TLCD4: variants seen among roughly 807,000 people sequenced by gnomAD.
The protein encoded by TLCD4 is TLC domain containing 4.
TLCD4 carries 7 observed loss-of-function variants against 24.2 expected under a neutral mutation model. The ratio of observed to expected loss-of-function variants is 0.29; its 90% confidence interval spans 0.16 to 0.54. TLCD4 has a LOEUF of 0.54. TLCD4 is among the 20% of genes least tolerant of loss of function. The pLI is 0.95. For missense variants in TLCD4, 259 were observed against 313.9 expected, an observed-to-expected ratio of 0.82 and a Z score of 1.32; for synonymous variants, 103 against 106.4, an observed-to-expected ratio of 0.97 and a Z score of 0.20.
chr1:95,167,960 A>T (rs1678078942), intron 5 of TLCD4, among the ~76,000 whole-genome samples: 2 of 151,972 alleles, frequency 1.3e-5, no homozygotes, highest in African/African-American at 4.8e-5. Context: ...GTCTTTTTTC[A>T]TTCCTTTGAC....
intron 5 of TLCD4, among the ~76,000 whole-genome samples, chr1:95,156,898 A>G (rs1677649443): frequency 2.0e-5 from 3 of 152,114 alleles, no homozygotes; most frequent in Admixed American, 1.3e-4. Context: ...GCCATTAGAA[A>G]TGAAGGTTTG....
chr1:95,112,341 A>C, the TLCD4 span, among the ~76,000 whole-genome samples: 1 of 152,214 alleles, frequency 6.6e-6, no homozygotes, highest in African/African-American at 2.4e-5. Context: ...CCAATAACCT[A>C]CTAACAAGAA....
chr1:95,142,557 A>G (rs1300420567), intron 1 of TLCD4, among the ~76,000 whole-genome samples: 1 of 152,132 alleles, frequency 6.6e-6, no homozygotes, highest in Admixed American at 6.5e-5. Context: ...GTCCTACCAT[A>G]GGGGCTCAAG....
At chr1:95,132,490 T>C (rs1042430399) in intron 1 of TLCD4, among the ~76,000 whole-genome samples, 7 of 148,828 alleles carry the variant, frequency 4.7e-5, no homozygotes, top group Admixed American at 4.0e-4. Context: ...TAGTCTCAGA[T>C]GTTCTGTTAC....
intron 1 of TLCD4, among the ~76,000 whole-genome samples, chr1:95,123,841 C>T (rs550652870): frequency 6.6e-6 from 1 of 152,178 alleles, no homozygotes; most frequent in Non-Finnish European, 1.5e-5. Flanking sequence ...GATAAACACT[C>T]TTATAAATAC....
the TLCD4 span, among the ~76,000 whole-genome samples, chr1:95,106,880 T>C: frequency 3.2e-3 from 491 of 152,272 alleles, 5 homozygotes; most frequent in African/African-American, 0.011. Flanking sequence ...AAGTGGGAGA[T>C]CTGAATGCAG....
the TLCD4 span, among the ~76,000 whole-genome samples, chr1:95,100,578 AAAT>A: frequency 7.7e-4 from 117 of 152,260 alleles, no homozygotes; most frequent in African/African-American, 2.7e-3. Context: ...CTGTCTCAAA[AAAT>A]AATAATAATA....
chr1:95,165,029 A>C (rs1677965797), intron 5 of TLCD4: 1 of 152,132 alleles, frequency 6.6e-6, no homozygotes, highest in Non-Finnish European at 1.5e-5. Flanking sequence ...CTGCTCCAGG[A>C]GTTTGCTGTT....
chr1:95,132,218 G>A (rs1202107355), intron 1 of TLCD4, among the ~76,000 whole-genome samples: 2 of 152,138 alleles, frequency 1.3e-5, no homozygotes, highest in Non-Finnish European at 2.9e-5. Context: ...ACTTTGGAAG[G>A]CCAAGGTGGG....
chr1:95,113,369 A>G (rs955382651), upstream of TLCD4, among the ~76,000 whole-genome samples: 2 of 152,178 alleles, frequency 1.3e-5, no homozygotes, highest in African/African-American at 2.4e-5. Flanking sequence ...TTGAGTGAAC[A>G]TTGTAATATG....
intron 1 of TLCD4, among the ~76,000 whole-genome samples, chr1:95,132,456 C>CAAA (rs34887671): frequency 1.5e-4 from 11 of 72,476 alleles, no homozygotes; most frequent in Admixed American, 1.7e-4. Flanking sequence ...GACTCCAACT[C>CAAA]AAAAAAAAAA....
chr1:95,093,065 A>G, the TLCD4 span, among the ~76,000 whole-genome samples: 1 of 152,224 alleles, frequency 6.6e-6, no homozygotes, highest in Non-Finnish European at 1.5e-5. Context: ...AAGAAATTCT[A>G]TTGCTAAAGA....
chr1:95,104,663 C>CAAAAAAAAAAAAATAAAAAAAAAAAAA, the TLCD4 span, among the ~76,000 whole-genome samples: 1 of 40,620 alleles, frequency 2.5e-5, no homozygotes, highest in Non-Finnish European at 5.4e-5. Flanking sequence ...GACTCCGTCT[C>CAAAAAAAAAAAAATAAAAAAAAAAAAA]AAAAAAAAAA....
Position 95,175,192 on chromosome 1 carries a change from A to G in TLCD4, c.473+1303A>G, listed in dbSNP as rs1424141847. 2.0e-5 allele frequency among the ~76,000 whole-genome samples: 3 copies of G among 152,202 alleles called. No individual in the cohort carries two copies. In the East Asian group the frequency reaches 5.8e-4, roughly 29 times the overall value. ...AATTGAAACTCTACGCCCATTAAAC[A>G]CTAATTTCGCTCTCCTGCAAGTCCT... On this transcript the variant is annotated intron_variant, in intron 6 of 6. Coordinates refer to ENST00000370203, the MANE Select transcript of TLCD4 (RefSeq NM_152487.3).
intron 6 of TLCD4, among the ~76,000 whole-genome samples, chr1:95,184,972 T>C (rs1678776779): frequency 6.6e-6 from 1 of 152,138 alleles, no homozygotes; most frequent in South Asian, 2.1e-4. Context: ...GATGGAAAAA[T>C]TGGCAGAAGC....
intron 5 of TLCD4, among the ~76,000 whole-genome samples, chr1:95,162,597 C>T (rs530569451): frequency 2.0e-5 from 3 of 152,268 alleles, no homozygotes; most frequent in South Asian, 2.1e-4. Flanking sequence ...TTCATAGCAT[C>T]GATGGTCTTT....
intron 5 of TLCD4, among the ~76,000 whole-genome samples, chr1:95,171,630 G>T (rs1678227320): frequency 6.6e-6 from 1 of 152,112 alleles, no homozygotes. Context: ...GAGAAGGAAA[G>T]TTATTATTGT....
In TLCD4 at chr1:95,192,419, A is replaced by G. The variant is rs1008495075; in HGVS notation, c.*551A>G. ...AAAAATCTTAAAGGTTTAAATAAAA[A>G]TGATCAATATAATGGTGAATCTTTT... On this transcript the variant is annotated 3_prime_UTR_variant, in exon 7 of 7. Coordinates refer to ENST00000370203, the MANE Select transcript of TLCD4 (RefSeq NM_152487.3). 6.6e-6 allele frequency: 1 copy of G among 152,548 alleles called. No individual in the cohort carries two copies. Among genetic ancestry groups the G allele is most frequent in the African/African-American group, 2.4e-5 (1 of 41,464 alleles). 9.4% of individuals were successfully genotyped at this position (152,548 alleles called of 1,614,324 possible). A position where few individuals can be genotyped will look rare whatever the true frequency, so the allele number is the denominator to read the frequency against.
the TLCD4 span, among the ~76,000 whole-genome samples, chr1:95,107,376 T>C: frequency 1.3e-5 from 2 of 152,280 alleles, no homozygotes; most frequent in Admixed American, 6.5e-5. Context: ...TGAGCCGAGA[T>C]TGCGCCACTG....
Sources: allele counts gnomAD v4.1 joint callset (sites outside exome capture counted in the v4.1 genomes callset), GRCh38; gene constraint gnomAD v4.1.1; transcripts MANE v1.5; gene names NCBI Gene and HGNC (gene_info 2026-07-23, HGNC 2026-07-21).